Variants in HOXC4 observed in about 807,000 individuals in gnomAD.
HOXC4 encodes the protein homeobox protein Hox-C4.
Under a neutral mutation model 25.5 loss-of-function variants are expected in HOXC4, and 15 were observed. The ratio of observed to expected loss-of-function variants is 0.59; its 90% CI spans 0.39 to 0.91. The LOEUF (loss-of-function observed/expected upper bound fraction) is 0.91. Ranked by LOEUF, HOXC4 falls within the 40% of genes least tolerant of loss-of-function variation. The pLI is 0.00. For missense variants in HOXC4, 342 were observed against 352.4 expected, an observed-to-expected ratio of 0.97 and a Z score of 0.24; for synonymous variants, 165 against 148.0, an observed-to-expected ratio of 1.11 and a Z score of -0.83.
intron 1 of HOXC4, chr12:54,029,665 C>T (rs757948540): frequency 2.2e-5 from 36 of 1,612,186 alleles, no homozygotes; most frequent in Non-Finnish European, 2.8e-5. Flanking sequence ...GGGTCGGCTA[C>T]GGAGCGGACC....
Position 54,055,080 on chromosome 12 carries a change from T to G in HOXC4, c.670T>G (p.Ser224Ala). ...CCGACTCCCCAACACCAAAGTCAGG[T>G]CAGCACCCCCGGCCGGCGCTGCGCC... ...DHRLPNTKVR[S>A]APPAGAAPST... Residue 224 changes from serine to alanine, a missense_variant, in exon 2 of 2, where the codon TCA becomes GCA. Transcript: ENST00000430889. The G allele has an allele frequency of 6.2e-7, 1 of 1,613,046 alleles. No homozygotes were observed. Among genetic ancestry groups the G allele is most frequent in the South Asian group, 1.1e-5 (1 of 90,992 alleles).
upstream of HOXC4, among the ~76,000 whole-genome samples, chr12:54,050,320 C>T (rs561137698): frequency 1.3e-5 from 2 of 152,176 alleles, no homozygotes; most frequent in East Asian, 1.9e-4. Context: ...GAAACCAAAT[C>T]GAGATTTAGA....
intron 1 of HOXC4, among the ~76,000 whole-genome samples, chr12:54,031,107 C>G (rs1940968442): frequency 6.6e-6 from 1 of 152,278 alleles, no homozygotes; most frequent in Non-Finnish European, 1.5e-5. Context: ...TCGGTTTGGG[C>G]ACCAACCCCA....
intron 1 of HOXC4, chr12:54,030,213 T>C: frequency 2.5e-6 from 1 of 395,212 alleles, no homozygotes; most frequent in East Asian, 4.0e-5. Flanking sequence ...TACAGGCCCT[T>C]TTCCCCGTCC....
At chr12:54,048,716 G>A (rs551662940) in intron 1 of HOXC4, among the ~76,000 whole-genome samples, 92 of 152,240 alleles carry the variant, frequency 6.0e-4, no homozygotes, top group African/African-American at 2.1e-3. Flanking sequence ...CAGTTCAGAG[G>A]CCAAGAACAG....
intron 1 of HOXC4, among the ~76,000 whole-genome samples, chr12:54,027,416 A>G (rs550004622): frequency 1.3e-5 from 2 of 152,316 alleles, no homozygotes; most frequent in South Asian, 2.1e-4. Flanking sequence ...CTAACTGTCC[A>G]TCAGAGCCCC....
upstream of HOXC4, among the ~76,000 whole-genome samples, chr12:54,048,967 A>C (rs1937782414): frequency 6.6e-6 from 1 of 152,158 alleles, no homozygotes; most frequent in East Asian, 1.9e-4. Flanking sequence ...ACACATCAGA[A>C]TTTTCAACAA....
rs761655147 is a variant in HOXC4 at position 54,028,768 on chromosome 12, A to G, written c.-124+11354A>G. ...TAATTCCTTTTACCAGGAGAAAGAC[A>G]TGCTCTCAAACTGCAGACAAAACAC... On this transcript the variant is annotated intron_variant, in intron 1 of 3. Transcript: ENST00000303406. 4 of 1,614,022 alleles carry G rather than the reference A, an allele frequency of 2.5e-6. No homozygotes were observed. The African/African-American group carries it at 4.0e-5, about 16-fold the overall frequency.
intron 1 of HOXC4, chr12:54,022,549 G>A (rs1352515732): frequency 6.6e-6 from 1 of 151,932 alleles, no homozygotes; most frequent in African/African-American, 2.4e-5. Context: ...AGATTAAATG[G>A]TTCTTTCAGA....
At chr12:54,042,646 C>G (rs1471264074) in intron 1 of HOXC4, among the ~76,000 whole-genome samples, 4 of 152,170 alleles carry the variant, frequency 2.6e-5, no homozygotes, top group African/African-American at 9.7e-5. Context: ...GCACCACCAC[C>G]CTGAGCCTCT....
chr12:54,029,707 C>T (rs773485388), intron 1 of HOXC4: 10 of 1,614,206 alleles, frequency 6.2e-6, no homozygotes, highest in Middle Eastern at 1.6e-4. Context: ...ACTCGCGGTA[C>T]CAGACCCTGG....
chr12:54,042,394 G>T, intron 1 of HOXC4, among the ~76,000 whole-genome samples: 1 of 152,210 alleles, frequency 6.6e-6, no homozygotes. Flanking sequence ...TCACACTGGG[G>T]TACCAGATCT....
At chr12:54,041,078 A>G (rs1455421637) in intron 1 of HOXC4, among the ~76,000 whole-genome samples, 2 of 152,262 alleles carry the variant, frequency 1.3e-5, no homozygotes, top group Non-Finnish European at 2.9e-5. Context: ...ATAATAGACT[A>G]GGTGATGATC....
intron 1 of HOXC4, among the ~76,000 whole-genome samples, chr12:54,042,845 T>C (rs954755543): frequency 6.6e-6 from 1 of 152,178 alleles, no homozygotes; most frequent in African/African-American, 2.4e-5. Context: ...GTGACCCACA[T>C]TGGTGTGTCT....
chr12:54,024,212 T>A (rs924877185), intron 1 of HOXC4, among the ~76,000 whole-genome samples: 4 of 151,820 alleles, frequency 2.6e-5, no homozygotes, highest in Non-Finnish European at 5.9e-5. Context: ...CAACCGTTCT[T>A]CTCTTGCTCA....
intron 1 of HOXC4, chr12:54,033,237 TG>T (rs1325833003): frequency 1.2e-6 from 2 of 1,614,222 alleles, no homozygotes; most frequent in Admixed American, 3.3e-5. Context: ...ATCCAGGTAC[TG>T]CTACGGCGGA....
At chr12:54,029,061 C>T (rs1940864029) in intron 1 of HOXC4, 2 of 820,292 alleles carry the variant, frequency 2.4e-6, no homozygotes, top group South Asian at 1.9e-5. Flanking sequence ...GACAGGGCCC[C>T]CTCTTCTGCC....
At chr12:54,049,254 C>A (rs1307669438), upstream of HOXC4, among the ~76,000 whole-genome samples, 1 of 152,176 alleles carries the variant, frequency 6.6e-6, no homozygotes, top group Non-Finnish European at 1.5e-5. Flanking sequence ...AGGCCATTTG[C>A]GAAGAGACAA....
At chr12:54,028,503 A>C in intron 1 of HOXC4, 1 of 1,609,314 alleles carries the variant, frequency 6.2e-7, no homozygotes, top group South Asian at 1.1e-5. Context: ...TCATAGACCG[A>C]CCAGGTAAAG....
Sources: allele counts gnomAD v4.1 joint callset (sites outside exome capture counted in the v4.1 genomes callset), GRCh38; gene constraint gnomAD v4.1.1; transcripts MANE v1.5; gene names NCBI Gene and HGNC (gene_info 2026-07-23, HGNC 2026-07-21).